Variants in COL25A1 observed in about 807,000 individuals in gnomAD.
COL25A1 encodes collagen type XXV alpha 1 chain.
Under a neutral mutation model 128.4 loss-of-function variants are expected in COL25A1, and 103 were observed. The ratio of observed to expected loss-of-function variants is 0.80; its 90% CI spans 0.68 to 0.94. The LOEUF (loss-of-function observed/expected upper bound fraction) is 0.94, where lower values mean the gene tolerates loss of function less well. COL25A1 is among the 40% of genes least tolerant of loss of function. COL25A1 has a pLI of 0.00. For missense variants in COL25A1, 745 were observed against 840.0 expected (o/e 0.89, Z 1.40); for synonymous variants, 279 against 277.2 (o/e 1.01, Z -0.06).
chr4:109,022,222 G>T (rs1258061352), intron 5 of COL25A1: 12 of 452,366 alleles, frequency 2.7e-5, no homozygotes, highest in Non-Finnish European at 5.3e-5. Context: ...CTCTCTTTGT[G>T]CTCTTTCTCT....
intron 3 of COL25A1, among the ~76,000 whole-genome samples, chr4:109,095,250 A>G (rs751782633): frequency 5.3e-5 from 8 of 152,264 alleles, no homozygotes; most frequent in Non-Finnish European, 1.2e-4. Flanking sequence ...TGATTCTAGG[A>G]TGCAGTAACA....
intron 5 of COL25A1, among the ~76,000 whole-genome samples, chr4:109,025,691 A>G (rs1758197149): frequency 6.6e-6 from 1 of 152,202 alleles, no homozygotes; most frequent in Non-Finnish European, 1.5e-5. Flanking sequence ...CTGCAAGCTG[A>G]CAAGCTTATG....
intron 3 of COL25A1, among the ~76,000 whole-genome samples, chr4:109,183,445 A>T (rs567260092): frequency 6.6e-6 from 1 of 152,264 alleles, no homozygotes; most frequent in East Asian, 1.9e-4. Context: ...TCATGAGAAA[A>T]ATGCAAAGAC....
chr4:108,942,085 C>T (rs1748176325), intron 8 of COL25A1: 2 of 849,860 alleles, frequency 2.4e-6, no homozygotes, highest in Non-Finnish European at 3.8e-6. Context: ...GTCCCAAGTG[C>T]CCAGTAACTT....
At chr4:109,050,589 C>A (rs1449732781) in intron 3 of COL25A1, among the ~76,000 whole-genome samples, 1 of 152,086 alleles carries the variant, frequency 6.6e-6, no homozygotes, top group East Asian at 1.9e-4. Flanking sequence ...TTTACAGTTT[C>A]TTTTCAGTCA....
At chr4:109,115,337 G>A (rs146051436) in intron 3 of COL25A1, among the ~76,000 whole-genome samples, 30 of 152,198 alleles carry the variant, frequency 2.0e-4, no homozygotes, top group East Asian at 1.2e-3. Flanking sequence ...ACTTTCTTGC[G>A]TTGAAAGGAA....
intron 3 of COL25A1, among the ~76,000 whole-genome samples, chr4:109,098,062 G>A (rs1765555232): frequency 6.6e-6 from 1 of 152,112 alleles, no homozygotes; most frequent in African/African-American, 2.4e-5. Flanking sequence ...AAAGGCCTCT[G>A]CTTCAGGAAA....
intron 31 of COL25A1, chr4:108,834,337 G>C: frequency 6.5e-7 from 1 of 1,550,316 alleles, no homozygotes; most frequent in Non-Finnish European, 8.7e-7. Flanking sequence ...GTCAGAGCAA[G>C]ACAAGGGACT....
At chr4:109,247,093 G>A (rs1424429126) in intron 3 of COL25A1, among the ~76,000 whole-genome samples, 5 of 152,218 alleles carry the variant, frequency 3.3e-5, no homozygotes, top group Admixed American at 2.6e-4. Context: ...GCTGGGTGTG[G>A]TGGTTCATGC....
chr4:108,916,051 G>C (rs1362992346), intron 13 of COL25A1, among the ~76,000 whole-genome samples: 1 of 152,094 alleles, frequency 6.6e-6, no homozygotes, highest in Non-Finnish European at 1.5e-5. Flanking sequence ...GTGACCTGCT[G>C]TTTCAGTGAA....
At chr4:108,941,854 T>C (rs1383836303) in intron 8 of COL25A1, among the ~76,000 whole-genome samples, 2 of 152,224 alleles carry the variant, frequency 1.3e-5, no homozygotes, top group Admixed American at 6.5e-5. Flanking sequence ...TGCCATTTTA[T>C]TGACGCCTGA....
intron 6 of COL25A1, among the ~76,000 whole-genome samples, chr4:108,993,008 A>G (rs994706300): frequency 1.3e-5 from 2 of 152,334 alleles, no homozygotes; most frequent in Non-Finnish European, 2.9e-5. Flanking sequence ...TAACATATGC[A>G]TTACCTGACA....
chr4:108,878,329 C>T (rs1474693007), intron 19 of COL25A1, among the ~76,000 whole-genome samples: 1 of 151,388 alleles, frequency 6.6e-6, no homozygotes. Context: ...GTTTTCATTG[C>T]CCAATAAATA....
At chr4:108,883,220 G>T (rs1012117815) in intron 19 of COL25A1, among the ~76,000 whole-genome samples, 3 of 151,772 alleles carry the variant, frequency 2.0e-5, no homozygotes, top group Non-Finnish European at 4.4e-5. Context: ...ATAGATACAG[G>T]GTTTTACCAT....
chr4:109,137,071 A>C (rs1325238238), intron 3 of COL25A1, among the ~76,000 whole-genome samples: 1 of 152,192 alleles, frequency 6.6e-6, no homozygotes, highest in Non-Finnish European at 1.5e-5. Flanking sequence ...GACCCACAGA[A>C]ACTGTGAGGT....
chr4:108,904,022 G>A (rs78225754), intron 13 of COL25A1, among the ~76,000 whole-genome samples: 1,806 of 152,078 alleles, frequency 0.012, 30 homozygotes, highest in African/African-American at 0.041. Flanking sequence ...GTTACGTCAC[G>A]AAACACATAC....
At chr4:109,254,023 C>T (rs554587480) in intron 3 of COL25A1, among the ~76,000 whole-genome samples, 25 of 150,798 alleles carry the variant, frequency 1.7e-4, no homozygotes, top group African/African-American at 6.1e-4. Context: ...GGAGGCAGAG[C>T]TTGCAGTGAG....
intron 3 of COL25A1, among the ~76,000 whole-genome samples, chr4:109,240,206 T>G (rs1427453165): frequency 6.6e-6 from 1 of 152,098 alleles, no homozygotes; most frequent in African/African-American, 2.4e-5. Flanking sequence ...TTATTATCAT[T>G]ACCAAGTATT....
chr4:109,298,714 G>T (rs565107230), intron 3 of COL25A1, among the ~76,000 whole-genome samples: 1 of 152,316 alleles, frequency 6.6e-6, no homozygotes, highest in South Asian at 2.1e-4. Flanking sequence ...GCAAAAGGGA[G>T]TATTTCCATA....
Sources: allele counts gnomAD v4.1 joint callset (sites outside exome capture counted in the v4.1 genomes callset), GRCh38; gene constraint gnomAD v4.1.1; transcripts MANE v1.5; gene names NCBI Gene and HGNC (gene_info 2026-07-23, HGNC 2026-07-21).